GAD1: variants seen among roughly 807,000 people sequenced by gnomAD.
The protein encoded by GAD1 is glutamate decarboxylase 1.
In GAD1, 35 loss-of-function variants were observed where a neutral mutation model predicts 75.2. That is an observed-to-expected ratio of 0.47 (90% CI 0.36 to 0.62). The LOEUF (loss-of-function observed/expected upper bound fraction) is 0.62, where lower values mean the gene tolerates loss of function less well. Among genes scored for constraint, GAD1 ranks in the 20% least tolerant of loss-of-function variants. The pLI, the probability that GAD1 is intolerant of heterozygous loss-of-function variation, is 0.00. For missense variants in GAD1, 490 were observed against 758.5 expected (o/e 0.65, Z 4.16); for synonymous variants, 257 against 271.9 (o/e 0.95, Z 0.54).
intron 5 of GAD1, among the ~76,000 whole-genome samples, chr2:170,835,059 A>T (rs2105785223): frequency 6.6e-6 from 1 of 152,170 alleles, no homozygotes; most frequent in East Asian, 1.9e-4. Context: ...GGCATGAGCC[A>T]CCGTGCCTGG....
At chr2:170,822,484 C>A (rs1265691864) in intron 3 of GAD1, among the ~76,000 whole-genome samples, 1 of 152,246 alleles carries the variant, frequency 6.6e-6, no homozygotes, top group African/African-American at 2.4e-5. Flanking sequence ...GCAAGCAGCT[C>A]CCACCCGGTG....
At position 170,853,793 on chromosome 2, in the gene GAD1, C is replaced by A; in HGVS notation, c.1264-80C>A. Reference sequence around the variant, plus strand: ...GATTGCATATGACCCCAAGCCCCTCCTTCCAAGCAGCCTAGTTTTAAAGCC... The same window carrying A: ...GATTGCATATGACCCCAAGCCCCTCATTCCAAGCAGCCTAGTTTTAAAGCC... On this transcript the variant is annotated intron_variant, in intron 13 of 16. Coordinates refer to ENST00000358196, the MANE Select transcript of GAD1 (RefSeq NM_000817.3). This position sits in a 1 kb window ranked among gnomAD's most constrained non-coding sequence, Gnocchi z 4.1. 6.9e-7 allele frequency: 1 copy of A among 1,458,772 alleles called. No homozygotes were observed. The highest frequency in any genetic ancestry group is 9.6e-7 in the Non-Finnish European group (1 of 1,040,274). 90.4% of individuals were successfully genotyped at this position (1,458,772 alleles called of 1,614,324 possible).
intron 3 of GAD1, among the ~76,000 whole-genome samples, chr2:170,825,442 C>A (rs1370586446): frequency 6.6e-6 from 1 of 152,374 alleles, no homozygotes; most frequent in Non-Finnish European, 1.5e-5. Flanking sequence ...TATGCATATG[C>A]AATTCCATGC....
intron 14 of GAD1, among the ~76,000 whole-genome samples, chr2:170,854,361 A>T (rs1279590202): frequency 2.0e-5 from 3 of 152,032 alleles, no homozygotes; most frequent in African/African-American, 4.8e-5. Context: ...AAAAAAAAAT[A>T]AAATTACTGC....
chr2:170,815,561 G>A (rs1482498251), upstream of GAD1, among the ~76,000 whole-genome samples: 4 of 152,108 alleles, frequency 2.6e-5, no homozygotes, highest in African/African-American at 7.2e-5. Context: ...GAAAACGGAC[G>A]GGCCTCCGCT....
intron 4 of GAD1, among the ~76,000 whole-genome samples, chr2:170,830,025 T>C (rs770445737): frequency 2.6e-5 from 4 of 152,148 alleles, no homozygotes; most frequent in Non-Finnish European, 5.9e-5. Flanking sequence ...ATGCTGAGCC[T>C]CATAACCAAC....
upstream of GAD1, among the ~76,000 whole-genome samples, chr2:170,814,783 C>T (rs1701666285): frequency 6.6e-6 from 1 of 152,172 alleles, no homozygotes; most frequent in Non-Finnish European, 1.5e-5. Flanking sequence ...GCTTGCGTTA[C>T]CTAGCCTTGC....
chr2:170,853,856 C>T lies in GAD1; in HGVS notation c.1264-17C>T, dbSNP rs1276640920. 6.2e-7 allele frequency: 1 copy of T among 1,613,916 alleles called. No homozygotes were observed. The highest frequency in any genetic ancestry group is 8.5e-7 in the Non-Finnish European group (1 of 1,179,824). ...GATGTGTAAATGCAGATGCACCCAT[C>T]TTAATTTCCATGATAGGGTATACTC... On this transcript the variant is annotated splice_polypyrimidine_tract_variant and intron_variant, in intron 13 of 16. Transcript: ENST00000358196. This position sits in a 1 kb window ranked among gnomAD's most constrained non-coding sequence, Gnocchi z 4.1.
At chr2:170,824,802 G>A (rs1302158691) in intron 3 of GAD1, among the ~76,000 whole-genome samples, 1 of 152,118 alleles carries the variant, frequency 6.6e-6, no homozygotes, top group Non-Finnish European at 1.5e-5. Context: ...ACCTAAATAC[G>A]ATGAGTTGCA....
At chr2:170,846,875 G>A (rs1316435160) in intron 10 of GAD1, among the ~76,000 whole-genome samples, 1 of 152,156 alleles carries the variant, frequency 6.6e-6, no homozygotes. Flanking sequence ...AGGTGTGGTG[G>A]TGCACGCCTA....
chr2:170,855,622 C>T (rs1559286824), intron 14 of GAD1, among the ~76,000 whole-genome samples: 2 of 151,762 alleles, frequency 1.3e-5, no homozygotes, highest in Non-Finnish European at 2.9e-5. Flanking sequence ...CGCATGTAAT[C>T]CCAGCACTTT....
upstream of GAD1, among the ~76,000 whole-genome samples, chr2:170,815,368 T>C (rs1701676680): frequency 6.6e-6 from 1 of 152,138 alleles, no homozygotes; most frequent in Non-Finnish European, 1.5e-5. Context: ...GACAAAACAG[T>C]AGTTTCTTTA....
At chr2:170,843,989 A>T in intron 6 of GAD1, 56 bp from the exon 7 acceptor site, 1 of 970,350 alleles carries the variant, frequency 1.0e-6, no homozygotes, top group Non-Finnish European at 1.7e-6. Flanking sequence ...GTGTTCCTAA[A>T]ATAAGTGGTT....
At chr2:170,836,723 C>A in intron 5 of GAD1, 70 bp from the exon 6 acceptor site, 1 of 1,032,304 alleles carries the variant, frequency 9.7e-7, no homozygotes, top group Non-Finnish European at 1.5e-6. Flanking sequence ...CCCAGTGGGG[C>A]AGGCCGTTTG....
chr2:170,853,803 G>C lies in GAD1; in HGVS notation c.1264-70G>C. On this transcript the variant is annotated intron_variant, in intron 13 of 16. Transcript: ENST00000358196. This position sits in a 1 kb window ranked among gnomAD's most constrained non-coding sequence, Gnocchi z 4.1. ...GACCCCAAGCCCCTCCTTCCAAGCAGCCTAGTTTTAAAGCCACCCACATCT... is the reference window on the plus strand; with the variant it reads ...GACCCCAAGCCCCTCCTTCCAAGCACCCTAGTTTTAAAGCCACCCACATCT... 6.5e-7 allele frequency: 1 copy of C among 1,532,048 alleles called. No homozygotes were observed. Among genetic ancestry groups the C allele is most frequent in the South Asian group, 1.1e-5 (1 of 89,076 alleles). The allele number at this position is 1,532,048 out of a possible 1,614,324, so 94.9% of individuals were successfully genotyped here. A position where few individuals can be genotyped will look rare whatever the true frequency, so the allele number is the denominator to read the frequency against.
In GAD1 at chr2:170,861,039, G is replaced by C. The variant is rs1702952662; in HGVS notation, c.*1157G>C. 1 of 152,620 alleles carries C rather than the reference G, an allele frequency of 6.6e-6. No homozygotes were observed. The highest frequency in any genetic ancestry group is 6.5e-5 in the Admixed American group (1 of 15,276). The allele number at this position is 152,620 out of a possible 1,614,324, so 9.5% of individuals were successfully genotyped here. A position where few individuals can be genotyped will look rare whatever the true frequency, so the allele number is the denominator to read the frequency against. On this transcript the variant is annotated 3_prime_UTR_variant, in exon 17 of 17. Transcript: ENST00000358196. ...AGACCTTCTGAAGATCTCAGATAAA[G>C]TGACCAGGCTCACAACTGTTTTTGA...
chr2:170,815,775 G>C (rs1428693724), upstream of GAD1, among the ~76,000 whole-genome samples: 1 of 152,236 alleles, frequency 6.6e-6, no homozygotes, highest in Non-Finnish European at 1.5e-5. Flanking sequence ...TGACAGGGCG[G>C]TGAGGGAAGG....
chr2:170,851,682 C>T (rs996176585), intron 12 of GAD1, among the ~76,000 whole-genome samples: 3 of 152,188 alleles, frequency 2.0e-5, no homozygotes, highest in African/African-American at 7.2e-5. Context: ...TAGCTATAGG[C>T]CAGGCCTTTG....
At chr2:170,855,744 A>T (rs1011774671) in intron 14 of GAD1, among the ~76,000 whole-genome samples, 9 of 151,602 alleles carry the variant, frequency 5.9e-5, no homozygotes, top group African/African-American at 1.9e-4. Flanking sequence ...GTGATGACGC[A>T]TGCCTGTGGT....
Sources: gnomAD v4.1 joint callset for allele counts (sites outside exome capture counted in the v4.1 genomes callset) on GRCh38, gnomAD v4.1.1 for gene constraint, Gnocchi (gnomAD v3.1) non-coding constraint, MANE v1.5 for transcripts, NCBI Gene and HGNC (gene_info 2026-07-23, HGNC 2026-07-21) for gene names.